STK40: variants seen among roughly 807,000 people sequenced by gnomAD.
STK40 encodes serine/threonine-protein kinase 40.
STK40 carries 13 observed loss-of-function variants against 47.9 expected under a neutral mutation model. The ratio of observed to expected loss-of-function variants is 0.27; its 90% CI spans 0.18 to 0.43. The LOEUF (loss-of-function observed/expected upper bound fraction) is 0.43, where lower values mean the gene tolerates loss of function less well. STK40 is among the 20% of genes least tolerant of loss of function. STK40 has a pLI of 1.00. For missense variants in STK40, 460 were observed against 595.1 expected (o/e 0.77, Z 2.36); for synonymous variants, 225 against 243.2 (o/e 0.93, Z 0.69).
chr1:36,356,418 C>CTTTTTTTTTTTTTTTTTTT (rs1002682531), intron 4 of STK40, among the ~76,000 whole-genome samples: 1 of 116,810 alleles, frequency 8.6e-6, no homozygotes, highest in Non-Finnish European at 1.8e-5. Flanking sequence ...TCTTCTTTTT[C>CTTTTTTTTTTTTTTTTTTT]TTTTTTTTTT....
intron 7 of STK40, among the ~76,000 whole-genome samples, chr1:36,347,949 G>A: frequency 6.6e-6 from 1 of 152,198 alleles, no homozygotes. Flanking sequence ...CACCCGGCCT[G>A]TGAGTTACTT....
At chr1:36,356,418 C>CTTTTTTTTTTTTTTTTTT in intron 4 of STK40, among the ~76,000 whole-genome samples, 1 of 116,810 alleles carries the variant, frequency 8.6e-6, no homozygotes, top group Non-Finnish European at 1.8e-5. Context: ...TCTTCTTTTT[C>CTTTTTTTTTTTTTTTTTT]TTTTTTTTTT....
At chr1:36,350,393 G>A (rs377276347) in intron 6 of STK40, among the ~76,000 whole-genome samples, 2 of 152,346 alleles carry the variant, frequency 1.3e-5, no homozygotes, top group African/African-American at 4.8e-5. Context: ...CGCGGAAGCT[G>A]CAAATGCATC....
chr1:36,365,620 T>C (rs1479956345), intron 1 of STK40, among the ~76,000 whole-genome samples: 3 of 152,228 alleles, frequency 2.0e-5, no homozygotes, highest in Non-Finnish European at 4.4e-5. Context: ...CTTTAAAAGC[T>C]GGGCAGTAAT....
intron 1 of STK40, among the ~76,000 whole-genome samples, chr1:36,384,221 G>T (rs543495452): frequency 1.5e-4 from 23 of 152,116 alleles, no homozygotes; most frequent in African/African-American, 5.3e-4. Context: ...GTAGAGATGG[G>T]GTTTCACCAT....
chr1:36,383,981 A>C (rs1647063060), intron 1 of STK40, among the ~76,000 whole-genome samples: 1 of 143,852 alleles, frequency 7.0e-6, no homozygotes, highest in African/African-American at 2.6e-5. Context: ...CCCTTTCTCC[A>C]CTGGGCTCCC....
chr1:36,346,654 C>T (rs1044930935), intron 7 of STK40, among the ~76,000 whole-genome samples: 3 of 152,242 alleles, frequency 2.0e-5, no homozygotes, highest in South Asian at 4.1e-4. Flanking sequence ...TCTCTGGTCT[C>T]CCAGTCGAGG....
intron 1 of STK40, among the ~76,000 whole-genome samples, chr1:36,369,349 G>T (rs920882477): frequency 1.3e-5 from 2 of 152,110 alleles, no homozygotes; most frequent in African/African-American, 4.8e-5. Flanking sequence ...GTGGGGCTGG[G>T]CAATCAGATC....
chr1:36,356,418 C>CTTTTCTTT (rs1557512387), intron 4 of STK40, among the ~76,000 whole-genome samples: 1 of 116,812 alleles, frequency 8.6e-6, no homozygotes, highest in East Asian at 2.2e-4. Flanking sequence ...TCTTCTTTTT[C>CTTTTCTTT]TTTTTTTTTT....
intron 6 of STK40, among the ~76,000 whole-genome samples, chr1:36,350,060 G>A (rs1446888628): frequency 6.6e-6 from 1 of 152,202 alleles, no homozygotes; most frequent in African/African-American, 2.4e-5. Context: ...GTGATCTCGG[G>A]GAATTCTGCT....
chr1:36,341,454 C>G lies in STK40; in HGVS notation c.*301G>C, dbSNP rs1646646295. On this transcript the variant is annotated 3_prime_UTR_variant, in exon 11 of 11. Transcript: ENST00000373132. ...GGGGTGAGCAGGCTCCCTCCTCCCT[C>G]TTGCTCAGTCCAGAGACAGCATGGT... The G allele has an allele frequency of 8.5e-6, 3 of 354,402 alleles. No homozygotes were observed. The highest frequency in any genetic ancestry group is 1.6e-5 in the Non-Finnish European group (3 of 187,066). The allele number at this position is 354,402 out of a possible 1,614,324, so 22.0% of individuals were successfully genotyped here. A position where few individuals can be genotyped will look rare whatever the true frequency, so the allele number is the denominator to read the frequency against.
chr1:36,385,516 C>G (rs892370287), intron 1 of STK40, among the ~76,000 whole-genome samples: 1 of 152,192 alleles, frequency 6.6e-6, no homozygotes, highest in Non-Finnish European at 1.5e-5. Context: ...CCCGCGGCCT[C>G]CCGGTACCCG....
intron 1 of STK40, among the ~76,000 whole-genome samples, chr1:36,368,254 T>C (rs1646917420): frequency 6.6e-6 from 1 of 151,796 alleles, no homozygotes; most frequent in East Asian, 1.9e-4. Flanking sequence ...ATGCCCTTAA[T>C]AAACATGTAC....
intron 7 of STK40, among the ~76,000 whole-genome samples, chr1:36,347,802 G>A (rs1268925936): frequency 1.3e-5 from 2 of 151,908 alleles, no homozygotes; most frequent in African/African-American, 2.4e-5. Context: ...ACAGGCAACC[G>A]CCACCACGCC....
At chr1:36,347,860 C>A (rs1467400592) in intron 7 of STK40, among the ~76,000 whole-genome samples, 1 of 152,156 alleles carries the variant, frequency 6.6e-6, no homozygotes, top group Non-Finnish European at 1.5e-5. Flanking sequence ...ACCATATTGG[C>A]CAGGCTGGTC....
At chr1:36,346,146 C>T (rs898996533) in intron 7 of STK40, among the ~76,000 whole-genome samples, 2 of 150,828 alleles carry the variant, frequency 1.3e-5, no homozygotes, top group Admixed American at 6.6e-5. Flanking sequence ...AGGCACCCGC[C>T]ACCACGCCCG....
chr1:36,347,645 GT>G (rs562523525), intron 7 of STK40, among the ~76,000 whole-genome samples: 1,760 of 146,982 alleles, frequency 0.012, 31 homozygotes, highest in African/African-American at 0.04. Context: ...AACTTTATGA[GT>G]TTTTTTTTTT....
chr1:36,346,009 T>TC (rs1553135208), intron 7 of STK40, among the ~76,000 whole-genome samples: 30 of 122,016 alleles, frequency 2.5e-4, no homozygotes, highest in African/African-American at 1.1e-3. Context: ...TTTTTTTTTT[T>TC]CCTGAGACAG....
In STK40 at chr1:36,341,647, T is replaced by C; in HGVS notation, c.*108A>G. On this transcript the variant is annotated 3_prime_UTR_variant, in exon 11 of 11. Transcript: ENST00000373132. ...GCTGTCCCTGTCCCTGCCCTGTCCC[T>C]ATTGTGGCCCGGGAGAGTCCAGCAC... 7.3e-7 allele frequency: 1 copy of C among 1,370,840 alleles called. No individual in the cohort carries two copies. Among genetic ancestry groups the C allele is most frequent in the South Asian group, 1.3e-5 (1 of 75,928 alleles). The allele number at this position is 1,370,840 out of a possible 1,614,324, so 84.9% of individuals were successfully genotyped here. A position where few individuals can be genotyped will look rare whatever the true frequency, so the allele number is the denominator to read the frequency against.
Sources: gnomAD v4.1 joint callset for allele counts (sites outside exome capture counted in the v4.1 genomes callset) on GRCh38, gnomAD v4.1.1 for gene constraint, MANE v1.5 for transcripts, NCBI Gene and HGNC (gene_info 2026-07-23, HGNC 2026-07-21) for gene names.